OPCML: variants seen among roughly 807,000 people sequenced by gnomAD.
OPCML encodes opioid-binding protein/cell adhesion molecule.
In OPCML, 13 loss-of-function variants were observed where a neutral mutation model predicts 37.8. That is an observed-to-expected ratio of 0.34 (90% CI 0.22 to 0.55). The LOEUF (loss-of-function observed/expected upper bound fraction) is 0.55. Among genes scored for constraint, OPCML ranks in the 20% least tolerant of loss-of-function variants. The probability of loss-of-function intolerance (pLI) is 0.91; values close to 1 mark genes in which losing one functional copy is unlikely to be tolerated. For synonymous variants in OPCML, 176 were observed against 168.8 expected (o/e 1.04, Z -0.33); for missense variants, 341 against 435.6 (o/e 0.78, Z 1.93).
chr11:132,810,786 A>T (rs969892818), intron 2 of OPCML: 1 of 152,240 alleles, frequency 6.6e-6, no homozygotes, highest in Non-Finnish European at 1.5e-5. Flanking sequence ...CCTCAAACGC[A>T]TAGCACCTAA....
intron 1 of OPCML, among the ~76,000 whole-genome samples, chr11:133,435,126 T>C (rs1234290997): frequency 6.6e-6 from 1 of 152,070 alleles, no homozygotes; most frequent in Non-Finnish European, 1.5e-5. Context: ...TATAGAATCA[T>C]TAAGGGTCCA....
intron 2 of OPCML, among the ~76,000 whole-genome samples, chr11:132,856,723 G>T (rs1195837879): frequency 6.6e-6 from 1 of 152,168 alleles, no homozygotes; most frequent in African/African-American, 2.4e-5. Context: ...ACACCAGTAA[G>T]CACACTGTGC....
chr11:132,860,564 C>A (rs907398333), intron 2 of OPCML: 2 of 152,124 alleles, frequency 1.3e-5, no homozygotes, highest in African/African-American at 2.4e-5. Flanking sequence ...CCACGGCAAT[C>A]CATTACGTCC....
chr11:133,326,896 T>G (rs1592204153), intron 1 of OPCML, among the ~76,000 whole-genome samples: 1 of 101,106 alleles, frequency 9.9e-6, no homozygotes. Flanking sequence ...GTGAGGGAGG[T>G]GTGGGTGAGG....
At chr11:133,312,944 A>G (rs1387247382) in intron 1 of OPCML, among the ~76,000 whole-genome samples, 4 of 152,340 alleles carry the variant, frequency 2.6e-5, no homozygotes, top group Non-Finnish European at 5.9e-5. Context: ...CCTATTCACC[A>G]TAAGTGTCCC....
At chr11:132,808,538 A>T (rs1318757499) in intron 2 of OPCML, among the ~76,000 whole-genome samples, 1 of 152,054 alleles carries the variant, frequency 6.6e-6, no homozygotes, top group Admixed American at 6.6e-5. Context: ...GGGTTAACAC[A>T]TTTTTTTCCC....
chr11:133,101,626 G>A (rs1397804644), intron 1 of OPCML, among the ~76,000 whole-genome samples: 2 of 152,174 alleles, frequency 1.3e-5, no homozygotes, highest in Non-Finnish European at 2.9e-5. Context: ...TGGTTGGAAT[G>A]CAAAATTGTA....
chr11:132,663,419 A>G (rs778359673), intron 2 of OPCML, among the ~76,000 whole-genome samples: 18 of 152,352 alleles, frequency 1.2e-4, no homozygotes, highest in Admixed American at 5.2e-4. Context: ...CATAGAGTCC[A>G]TGGGCTCTTT....
intron 1 of OPCML, among the ~76,000 whole-genome samples, chr11:133,025,726 A>ATTTTTTTTTTTTTTTTTTT (rs869296316): frequency 1.1e-5 from 1 of 91,342 alleles, no homozygotes; most frequent in Non-Finnish European, 2.0e-5. Context: ...TGCCGATTTG[A>ATTTTTTTTTTTTTTTTTTT]TTTTTTTTTT....
At chr11:133,229,718 T>A (rs1940193889) in intron 1 of OPCML, among the ~76,000 whole-genome samples, 1 of 152,294 alleles carries the variant, frequency 6.6e-6, no homozygotes, top group African/African-American at 2.4e-5. Context: ...GCTTCAGGCA[T>A]CCTCTGGGGG....
At chr11:132,847,334 TAAGAGGTATACCTTCCTGTC>T (rs1288631824) in intron 2 of OPCML, among the ~76,000 whole-genome samples, 91 of 152,254 alleles carry the variant, frequency 6.0e-4, no homozygotes, top group African/African-American at 2.1e-3. Flanking sequence ...TGCATTAGAG[TAAGAGGTATACCTTCCTGTC>T]AAAACGTCCG....
intron 1 of OPCML, among the ~76,000 whole-genome samples, chr11:133,384,766 G>T (rs1316972035): frequency 6.6e-6 from 1 of 152,188 alleles, no homozygotes; most frequent in African/African-American, 2.4e-5. Context: ...ACCCGCTCTT[G>T]CCATAGCCCT....
intron 3 of OPCML, among the ~76,000 whole-genome samples, chr11:132,635,061 T>G (rs1259354653): frequency 6.6e-6 from 1 of 152,212 alleles, no homozygotes; most frequent in African/African-American, 2.4e-5. Context: ...AATATCATTT[T>G]TAACTGTGAG....
At chr11:132,724,544 CCT>C (rs917492609) in intron 2 of OPCML, among the ~76,000 whole-genome samples, 1 of 152,050 alleles carries the variant, frequency 6.6e-6, no homozygotes, top group Non-Finnish European at 1.5e-5. Context: ...TTATTCCACC[CCT>C]GTCCTCCCCC....
chr11:133,080,661 T>A (rs61910339), intron 1 of OPCML, among the ~76,000 whole-genome samples: 13,260 of 152,048 alleles, frequency 0.087, 933 homozygotes, highest in East Asian at 0.31. Flanking sequence ...AAACCCACTG[T>A]GCCCGTTTAT....
intron 4 of OPCML, among the ~76,000 whole-genome samples, chr11:132,474,952 T>G (rs537221924): frequency 3.9e-5 from 6 of 152,322 alleles, no homozygotes. Flanking sequence ...ACCCTCTTTC[T>G]TAGCCACAGC....
chr11:133,033,781 G>C (rs1280314423), intron 1 of OPCML, among the ~76,000 whole-genome samples: 2 of 152,180 alleles, frequency 1.3e-5, no homozygotes, highest in Non-Finnish European at 2.9e-5. Flanking sequence ...ATCCAGTCAA[G>C]CAAACCTAGA....
chr11:132,908,864 C>T (rs530623927), intron 2 of OPCML, among the ~76,000 whole-genome samples: 1 of 152,380 alleles, frequency 6.6e-6, no homozygotes, highest in Non-Finnish European at 1.5e-5. Flanking sequence ...TAAGGATACT[C>T]AGCCTTCAGA....
At chr11:132,938,315 G>A (rs1001886847) in intron 2 of OPCML, among the ~76,000 whole-genome samples, 7 of 151,960 alleles carry the variant, frequency 4.6e-5, no homozygotes, top group African/African-American at 1.7e-4. Context: ...GGATCTGTTA[G>A]AACAGTGTTA....
Sources: allele counts gnomAD v4.1 joint callset (sites outside exome capture counted in the v4.1 genomes callset), GRCh38; gene constraint gnomAD v4.1.1; transcripts MANE v1.5; gene names NCBI Gene and HGNC (gene_info 2026-07-23, HGNC 2026-07-21).